ACOXL: variants seen among roughly 807,000 people sequenced by gnomAD.
ACOXL encodes acyl-coenzyme A oxidase-like protein.
In ACOXL, 70 loss-of-function variants were observed where a neutral mutation model predicts 71.9. The observed-to-expected ratio is 0.97, with a 90% CI of 0.80 to 1.19. The LOEUF (loss-of-function observed/expected upper bound fraction) is 1.19, where lower values mean the gene tolerates loss of function less well. ACOXL is among the 50% of genes most tolerant of loss of function. ACOXL has a pLI of 0.00. For missense variants in ACOXL, 703 were observed against 736.3 expected (o/e 0.95, Z 0.52); for synonymous variants, 253 against 281.6 (o/e 0.90, Z 1.02).
intron 17 of ACOXL, among the ~76,000 whole-genome samples, chr2:111,111,799 A>C (rs2069984805): frequency 6.6e-6 from 1 of 152,210 alleles, no homozygotes. Context: ...AATAACAATA[A>C]TATTTATAAA....
intron 11 of ACOXL, among the ~76,000 whole-genome samples, chr2:110,925,875 A>T (rs1487108139): frequency 8.0e-4 from 44 of 55,112 alleles, no homozygotes; most frequent in African/African-American, 1.4e-3. Context: ...TTTTTTTTTT[A>T]AAGCATTTCT....
At chr2:110,891,061 T>C (rs1461522428) in intron 10 of ACOXL, among the ~76,000 whole-genome samples, 3 of 151,830 alleles carry the variant, frequency 2.0e-5, no homozygotes, top group Non-Finnish European at 4.4e-5. Flanking sequence ...TGCTTTTTAA[T>C]TTTTGGATTG....
At chr2:110,931,620 C>T (rs1295682545) in intron 11 of ACOXL, among the ~76,000 whole-genome samples, 1 of 152,158 alleles carries the variant, frequency 6.6e-6, no homozygotes, top group Non-Finnish European at 1.5e-5. Context: ...GGGACCTTGA[C>T]TGAGGTATGT....
intron 10 of ACOXL, among the ~76,000 whole-genome samples, chr2:110,865,028 A>AATTTT (rs1694390562): frequency 6.6e-6 from 1 of 151,694 alleles, no homozygotes; most frequent in Admixed American, 6.6e-5. Context: ...AACTCTGCTG[A>AATTTT]GTTTCTTATG....
chr2:110,992,228 T>G (rs897427287), intron 13 of ACOXL, among the ~76,000 whole-genome samples: 2 of 152,188 alleles, frequency 1.3e-5, no homozygotes, highest in African/African-American at 4.8e-5. Context: ...TCCAAAACAG[T>G]GTACATCTGT....
At chr2:111,024,783 T>C (rs1182652795) in intron 14 of ACOXL, among the ~76,000 whole-genome samples, 1 of 152,032 alleles carries the variant, frequency 6.6e-6, no homozygotes. Flanking sequence ...GACAACTGCC[T>C]GTTCTCATTG....
intron 9 of ACOXL, among the ~76,000 whole-genome samples, chr2:110,837,357 G>A (rs996173581): frequency 1.9e-4 from 29 of 152,154 alleles, no homozygotes; most frequent in Non-Finnish European, 3.2e-4. Flanking sequence ...GGGAAGTGGC[G>A]CTTAGTAGCA....
At chr2:110,816,834 T>C (rs1687979360) in intron 9 of ACOXL, among the ~76,000 whole-genome samples, 1 of 152,216 alleles carries the variant, frequency 6.6e-6, no homozygotes, top group Non-Finnish European at 1.5e-5. Context: ...TGGTTGCAGC[T>C]CCTCAAACAG....
At chr2:110,944,623 C>T (rs965602938) in intron 12 of ACOXL, among the ~76,000 whole-genome samples, 10 of 152,070 alleles carry the variant, frequency 6.6e-5, no homozygotes, top group Non-Finnish European at 2.9e-5. Flanking sequence ...TGTGTTGGTT[C>T]GCTTAGGATA....
At chr2:111,084,214 T>C (rs1006332928) in intron 16 of ACOXL, among the ~76,000 whole-genome samples, 2 of 147,282 alleles carry the variant, frequency 1.4e-5, no homozygotes, top group Non-Finnish European at 3.0e-5. Flanking sequence ...GAAACCAGGG[T>C]AGGAGTAGAG....
chr2:110,802,583 A>G (rs1686134528), intron 8 of ACOXL, among the ~76,000 whole-genome samples: 1 of 152,218 alleles, frequency 6.6e-6, no homozygotes, highest in South Asian at 2.1e-4. Context: ...AAAAAACCTT[A>G]AAAATGATTG....
intron 15 of ACOXL, among the ~76,000 whole-genome samples, chr2:111,033,809 C>G (rs576812654): frequency 1.3e-5 from 2 of 152,272 alleles, no homozygotes; most frequent in East Asian, 1.9e-4. Flanking sequence ...TGGTGTGGCC[C>G]TGGCTCCTCC....
chr2:110,817,936 C>T (rs1172763724), intron 9 of ACOXL, among the ~76,000 whole-genome samples: 1 of 146,722 alleles, frequency 6.8e-6, no homozygotes, highest in Non-Finnish European at 1.5e-5. Flanking sequence ...AGTTTTGTTT[C>T]AATCCATGCT....
At position 110,794,949 on chromosome 2, in the gene ACOXL, C is replaced by G. The variant is rs868791493; in HGVS notation, c.345+775C>G. 2.6e-5 allele frequency among the ~76,000 whole-genome samples: 4 copies of G among 151,896 alleles called. 1 individual carries two copies. In the East Asian group the frequency reaches 7.7e-4, roughly 29 times the overall value. On this transcript the variant is annotated intron_variant, in intron 5 of 17. Transcript: ENST00000439055. The stretch of plus-strand genomic sequence containing the variant: ...TTAACTCCTACACGCACCCCGCCCC[C>G]GCCCCTCACCAAAAAAGAAAGCAAC...
chr2:111,072,825 G>T (rs757913598), intron 16 of ACOXL, among the ~76,000 whole-genome samples: 1 of 152,210 alleles, frequency 6.6e-6, no homozygotes, highest in Non-Finnish European at 1.5e-5. Context: ...ACCCAGGAAT[G>T]AATTTACTGG....
chr2:110,978,596 G>T (rs188268324), intron 12 of ACOXL, among the ~76,000 whole-genome samples: 11 of 152,232 alleles, frequency 7.2e-5, no homozygotes, highest in African/African-American at 2.6e-4. Context: ...TAGGGCTGTT[G>T]ATTTGAATCT....
intron 10 of ACOXL, among the ~76,000 whole-genome samples, chr2:110,906,719 TG>T (rs544972228): frequency 8.0e-4 from 122 of 152,254 alleles, no homozygotes; most frequent in African/African-American, 2.9e-3. Context: ...CTCTGGAGCA[TG>T]GGGCCATGCC....
intron 2 of ACOXL, among the ~76,000 whole-genome samples, chr2:110,779,266 G>A (rs1683040552): frequency 6.6e-6 from 1 of 152,202 alleles, no homozygotes; most frequent in Non-Finnish European, 1.5e-5. Context: ...CAGGATCTGT[G>A]CAGCTGGCCT....
chr2:110,840,124 G>A (rs1028857482), intron 9 of ACOXL, among the ~76,000 whole-genome samples: 4 of 152,054 alleles, frequency 2.6e-5, no homozygotes, highest in Non-Finnish European at 5.9e-5. Context: ...CTGAGTAGCC[G>A]GGATTACAGG....
Sources: allele counts gnomAD v4.1 joint callset (sites outside exome capture counted in the v4.1 genomes callset), GRCh38; gene constraint gnomAD v4.1.1; transcripts MANE v1.5; gene names NCBI Gene and HGNC (gene_info 2026-07-23, HGNC 2026-07-21).